Variants in PTGIS observed in about 807,000 individuals in gnomAD.
PTGIS encodes the protein prostaglandin I2 synthase, also known as prostacyclin synthase.
A neutral mutation model predicts 50.3 loss-of-function variants in PTGIS; 45 were observed. The ratio of observed to expected loss-of-function variants is 0.90; its 90% CI spans 0.70 to 1.15. The LOEUF is 1.15. PTGIS is among the 50% of genes most tolerant of loss of function. The probability of loss-of-function intolerance (pLI) is 0.00; values close to 1 mark genes in which losing one functional copy is unlikely to be tolerated. For synonymous variants in PTGIS, 260 were observed against 267.7 expected (o/e 0.97, Z 0.28); for missense variants, 668 against 661.3 (o/e 1.01, Z -0.11).
At chr20:49,509,899 T>C (rs1981266092) in intron 9 of PTGIS, among the ~76,000 whole-genome samples, 1 of 127,014 alleles carries the variant, frequency 7.9e-6, no homozygotes, top group Admixed American at 7.7e-5. Context: ...TTTTTTTTTT[T>C]TTTTCTGGAG....
chr20:49,518,046 A>G (rs2122847037), intron 6 of PTGIS, among the ~76,000 whole-genome samples: 1 of 152,344 alleles, frequency 6.6e-6, no homozygotes, highest in South Asian at 2.1e-4. Context: ...TGGGATTGCT[A>G]AATTGCCTAG....
intron 3 of PTGIS, among the ~76,000 whole-genome samples, chr20:49,545,652 A>G (rs1376802937): frequency 6.6e-6 from 1 of 152,194 alleles, no homozygotes; most frequent in Non-Finnish European, 1.5e-5. Context: ...AGAAAGGGGT[A>G]TCTTGCATCT....
At chr20:49,545,801 G>A (rs1046213224) in intron 3 of PTGIS, among the ~76,000 whole-genome samples, 5 of 151,780 alleles carry the variant, frequency 3.3e-5, no homozygotes, top group African/African-American at 1.2e-4. Flanking sequence ...AGAACAGTGG[G>A]AGAGTGCCAA....
At position 49,560,454 on chromosome 20, in the gene PTGIS, C is replaced by T. The variant is rs570718949; in HGVS notation, c.74+7589G>A. ...TCTTGGGCTCAAGCACTCCCTGTCT[C>T]AGCCTCCCATAGTGCTGGGATTACA... is the stretch of plus-strand genomic sequence containing the variant. On this transcript the variant is annotated intron_variant, in intron 1 of 9. Coordinates refer to ENST00000244043, the MANE Select transcript of PTGIS (RefSeq NM_000961.4). Among the ~76,000 whole-genome samples, 8 of 152,302 alleles carry T rather than the reference C, an allele frequency of 5.3e-5. No individual in the cohort carries two copies. In the South Asian group the frequency reaches 1.2e-3, roughly 24 times the overall value.
rs761478359 is a variant in PTGIS at position 49,536,478 on chromosome 20, C to CTTTTT, written c.673+3087_673+3091dup. 3.2e-3 allele frequency among the ~76,000 whole-genome samples: 350 copies of CTTTTT among 108,644 alleles called. 1 individual carries two copies. The highest frequency in any genetic ancestry group is 4.7e-3 in the African/African-American group (113 of 24,232). The allele number at this position is 108,644 out of a possible 152,430, so 71.3% of individuals were successfully genotyped here. On this transcript the variant is annotated intron_variant, in intron 5 of 9. Transcript: ENST00000244043. ...CTTTTCTTTCTTTCTTTCTTTCTTT[C>CTTTTT]TTTTTTTTTTTTTTTTTTTTGAGAC... is the stretch of plus-strand genomic sequence containing the variant.
intron 5 of PTGIS, among the ~76,000 whole-genome samples, chr20:49,531,424 G>A (rs561923146): frequency 1.3e-5 from 2 of 152,232 alleles, no homozygotes; most frequent in African/African-American, 2.4e-5. Context: ...GCAAATGTTC[G>A]AAATGGTTAC....
chr20:49,518,959 G>T (rs921968494), intron 6 of PTGIS, among the ~76,000 whole-genome samples: 1 of 152,182 alleles, frequency 6.6e-6, no homozygotes, highest in African/African-American at 2.4e-5. Flanking sequence ...GGCTGCTGAG[G>T]ATGTGATGGG....
At chr20:49,531,054 C>T (rs1439475829) in intron 5 of PTGIS, among the ~76,000 whole-genome samples, 1 of 152,060 alleles carries the variant, frequency 6.6e-6, no homozygotes, top group African/African-American at 2.4e-5. Context: ...CCACCGCTCC[C>T]AGATGTTATT....
chr20:49,555,315 C>G (rs1471262285), intron 1 of PTGIS, among the ~76,000 whole-genome samples: 1 of 151,830 alleles, frequency 6.6e-6, no homozygotes, highest in African/African-American at 2.4e-5. Flanking sequence ...TCTGAAATCT[C>G]TGAGTTATAC....
At position 49,540,543 on chromosome 20, in the gene PTGIS, G is replaced by A. The variant is rs1382036243; in HGVS notation, c.522-822C>T. The stretch of plus-strand genomic sequence containing the variant: ...AGGCATTTGCAGCAGTGAGAAGGTT[G>A]TGCTTGATCTGAGGGGCTCTGGGAG... On this transcript the variant is annotated intron_variant, in intron 4 of 9. Transcript: ENST00000244043. The surrounding 1 kb of genome is among the most constrained non-coding windows in gnomAD (Gnocchi z 4.8). Among the ~76,000 whole-genome samples, 2 of 152,156 alleles carry A rather than the reference G, an allele frequency of 1.3e-5. No individual in the cohort carries two copies. The highest frequency in any genetic ancestry group is 2.9e-5 in the Non-Finnish European group (2 of 68,018).
rs1400786087 is a variant in PTGIS at position 49,507,291 on chromosome 20, G to A, written c.*629C>T. On this transcript the variant is annotated 3_prime_UTR_variant, in exon 10 of 10. Coordinates refer to ENST00000244043, the MANE Select transcript of PTGIS (RefSeq NM_000961.4). ...CCTCAGAGCCCAGTGTTTGGAGGGT[G>A]CCCCTGTTCTGCACCGGGAATGCAT... The A allele has an allele frequency of 1.2e-5, 2 of 170,216 alleles. No homozygotes were observed. Among genetic ancestry groups the A allele is most frequent in the Non-Finnish European group, 2.6e-5 (2 of 78,166 alleles). 10.5% of individuals were successfully genotyped at this position (170,216 alleles called of 1,614,324 possible). A position where few individuals can be genotyped will look rare whatever the true frequency, so the allele number is the denominator to read the frequency against.
At chr20:49,515,025 A>G (rs1981439854) in intron 6 of PTGIS, among the ~76,000 whole-genome samples, 1 of 152,232 alleles carries the variant, frequency 6.6e-6, no homozygotes, top group Admixed American at 6.5e-5. Flanking sequence ...CCAGACCCAC[A>G]GACCCGTGAG....
chr20:49,505,700 C>G lies in PTGIS; in HGVS notation c.*2220G>C, dbSNP rs1303768603. The G allele has an allele frequency of 6.5e-6, 1 of 152,722 alleles. No individual in the cohort carries two copies. Among genetic ancestry groups the G allele is most frequent in the Non-Finnish European group, 1.5e-5 (1 of 68,090 alleles). The allele number at this position is 152,722 out of a possible 1,614,324, so 9.5% of individuals were successfully genotyped here. A position where few individuals can be genotyped will look rare whatever the true frequency, so the allele number is the denominator to read the frequency against. ...AGGCAGCTGAGGGTTGCCACGGAAA[C>G]CGGCTCTGTCCTCCCACTGGAGGCT... On this transcript the variant is annotated 3_prime_UTR_variant, in exon 10 of 10. Transcript: ENST00000244043.
In PTGIS at chr20:49,507,939, C is replaced by A; in HGVS notation, c.1484G>T (p.Arg495Leu). The A allele has an allele frequency of 1.2e-6, 2 of 1,612,756 alleles. No homozygotes were observed. ...CCTGTGTCATGGGCGGATGCGGTAG[C>A]GGACGGGCACGTCGTGTTCCGGCTG... is the stretch of plus-strand genomic sequence containing the variant. ...LMQPEHDVPV[R>L]YRIRP Residue 495 changes from arginine to leucine, a missense_variant, in exon 10 of 10, where the codon CGC (arginine) becomes CTC (leucine). Transcript: ENST00000244043.
intron 5 of PTGIS, among the ~76,000 whole-genome samples, chr20:49,532,438 G>A (rs1446442165): frequency 2.0e-5 from 3 of 152,102 alleles, no homozygotes; most frequent in South Asian, 4.2e-4. Flanking sequence ...CAGTGCTGTA[G>A]CAGAGTGCCT....
intron 9 of PTGIS, among the ~76,000 whole-genome samples, chr20:49,509,899 TTTTTC>T (rs1449046783): frequency 4.7e-5 from 6 of 127,012 alleles, no homozygotes; most frequent in Non-Finnish European, 5.1e-5. Flanking sequence ...TTTTTTTTTT[TTTTTC>T]TGGAGACAGA....
intron 1 of PTGIS, among the ~76,000 whole-genome samples, chr20:49,555,128 C>T (rs1270676181): frequency 6.6e-6 from 1 of 152,024 alleles, no homozygotes; most frequent in Non-Finnish European, 1.5e-5. Flanking sequence ...AAAAAATTGG[C>T]TGGGTGTGGT....
chr20:49,560,126 C>G (rs185292427), intron 1 of PTGIS, among the ~76,000 whole-genome samples: 11 of 151,872 alleles, frequency 7.2e-5, no homozygotes, highest in African/African-American at 2.4e-4. Flanking sequence ...GTTTCACCAT[C>G]TTGGCCAGGC....
chr20:49,547,630 C>A (rs995002744), intron 3 of PTGIS, among the ~76,000 whole-genome samples: 32 of 152,126 alleles, frequency 2.1e-4, no homozygotes, highest in Non-Finnish European at 1.0e-4. Context: ...AACAAACAAA[C>A]AAACAAAAAA....
Sources: allele counts gnomAD v4.1 joint callset (sites outside exome capture counted in the v4.1 genomes callset), GRCh38; gene constraint gnomAD v4.1.1; non-coding constraint Gnocchi (gnomAD v3.1); transcripts MANE v1.5; gene names NCBI Gene and HGNC (gene_info 2026-07-23, HGNC 2026-07-21).